ASTN2: variants seen among roughly 807,000 people sequenced by gnomAD.
ASTN2 encodes the protein astrotactin-2.
ASTN2 carries 54 observed loss-of-function variants against 139.8 expected under a neutral mutation model. The observed-to-expected ratio is 0.39, with a 90% CI of 0.31 to 0.48. The LOEUF is 0.48. Among genes scored for constraint, ASTN2 ranks in the 20% least tolerant of loss-of-function variants. ASTN2 has a pLI of 0.95. For synonymous variants in ASTN2, 756 were observed against 719.5 expected (o/e 1.05, Z -0.81); for missense variants, 1,565 against 1,725.1 (o/e 0.91, Z 1.64).
chr9:116,654,599 A>C (rs1411461061), intron 16 of ASTN2, among the ~76,000 whole-genome samples: 1 of 152,216 alleles, frequency 6.6e-6, no homozygotes, highest in Non-Finnish European at 1.5e-5. Flanking sequence ...GATCTAGTAC[A>C]AATCTTCACA....
At chr9:116,496,697 T>C (rs1377669307) in intron 19 of ASTN2, among the ~76,000 whole-genome samples, 1 of 152,142 alleles carries the variant, frequency 6.6e-6, no homozygotes, top group African/African-American at 2.4e-5. Context: ...GACTGGGTAA[T>C]TTATAAGAAA....
intron 13 of ASTN2, among the ~76,000 whole-genome samples, chr9:116,762,212 G>A (rs1276777754): frequency 6.6e-6 from 1 of 152,158 alleles, no homozygotes; most frequent in Non-Finnish European, 1.5e-5. Context: ...CATTCTTATA[G>A]CTGATATTCA....
chr9:116,646,050 A>G (rs1329784395), intron 17 of ASTN2, among the ~76,000 whole-genome samples: 2 of 152,154 alleles, frequency 1.3e-5, no homozygotes, highest in African/African-American at 4.8e-5. Flanking sequence ...TGAAGTAGGG[A>G]TTGTGAGACC....
intron 7 of ASTN2, among the ~76,000 whole-genome samples, chr9:116,978,495 G>GCACGCA (rs1836419196): frequency 7.8e-6 from 1 of 127,644 alleles, no homozygotes; most frequent in African/African-American, 2.8e-5. Flanking sequence ...TCTCTCTCAC[G>GCACGCA]CACACACACA....
In ASTN2 at chr9:116,913,356, C is replaced by G. The variant is rs1834365492; in HGVS notation, c.1890-49623G>C. Among the ~76,000 whole-genome samples, 2 of 152,252 alleles carry G rather than the reference C, an allele frequency of 1.3e-5. 1 individual carries two copies. Among genetic ancestry groups the G allele is most frequent in the South Asian group, 4.1e-4 (2 of 4,830 alleles). ...TGCTTTTTCTAATCTCTCTCAGCCT[C>G]AACCCCCACTTAGTGCATTTGATGT... On this transcript the variant is annotated intron_variant, in intron 10 of 22. Transcript: ENST00000313400.
rs1830970734 is a variant in ASTN2, at chr9:116,804,168, T to C, written c.2396+1464A>G. The stretch of plus-strand genomic sequence containing the variant: ...TACAAGGATGAACGGTTTTAGTGAA[T>C]TCACATCTCCATTCTCATTCTGTAA... On this transcript the variant is annotated intron_variant, in intron 13 of 22. Coordinates refer to ENST00000313400, the MANE Select transcript of ASTN2 (RefSeq NM_001365068.1). 2.0e-5 allele frequency among the ~76,000 whole-genome samples: 3 copies of C among 152,128 alleles called. No homozygotes were observed. The South Asian group carries it at 6.2e-4, about 32-fold the overall frequency.
At chr9:116,479,044 T>A (rs1259505155) in intron 20 of ASTN2, among the ~76,000 whole-genome samples, 1 of 142,802 alleles carries the variant, frequency 7.0e-6, no homozygotes, top group Non-Finnish European at 1.5e-5. Context: ...TCTGAATTCA[T>A]GAAAAGTTCA....
rs10681699 is a variant in ASTN2, at chr9:116,805,109, A to AGTGTGTGTGTGTGT, written c.2396+509_2396+522dup. 7.6e-3 allele frequency among the ~76,000 whole-genome samples: 1,093 copies of AGTGTGTGTGTGTGT among 143,106 alleles called. 16 individuals carry two copies. The highest frequency in any genetic ancestry group is 0.024 in the African/African-American group (918 of 38,384). 93.9% of individuals were successfully genotyped at this position (143,106 alleles called of 152,430 possible). A position where few individuals can be genotyped will look rare whatever the true frequency, so the allele number is the denominator to read the frequency against. ...TAAACAGCTTTACTGGGATTTGGGG[A>AGTGTGTGTGTGTGT]GTGTGTGTGTGTGTGTGTGTGTGTG... On this transcript the variant is annotated intron_variant, in intron 13 of 22. Transcript: ENST00000313400.
At chr9:117,301,178 T>C (rs1027281791) in intron 1 of ASTN2, among the ~76,000 whole-genome samples, 30 of 152,162 alleles carry the variant, frequency 2.0e-4, no homozygotes, top group African/African-American at 6.3e-4. Flanking sequence ...CTCTCCTTGC[T>C]GTATTTCTTT....
intron 3 of ASTN2, 45 bp downstream of exon 3, chr9:117,214,313 T>C (rs776658864): frequency 7.8e-6 from 12 of 1,533,116 alleles, no homozygotes; most frequent in Non-Finnish European, 1.1e-5. Flanking sequence ...TTCCCATCTT[T>C]TCAAAATGCC....
chr9:116,767,946 T>C (rs1331081594), intron 13 of ASTN2, among the ~76,000 whole-genome samples: 2 of 152,216 alleles, frequency 1.3e-5, no homozygotes, highest in Non-Finnish European at 2.9e-5. Context: ...TTCATAGATC[T>C]AGTTATCTTT....
chr9:117,214,247 T>G, intron 3 of ASTN2, 111 bp downstream of exon 3: 1 of 1,315,438 alleles, frequency 7.6e-7, no homozygotes, highest in African/African-American at 1.5e-5. Context: ...AAATCCAAAG[T>G]GGCTTATCCC....
Position 117,141,328 on chromosome 9 carries a change from C to A in ASTN2, c.1166G>T (p.Arg389Leu). Reference protein sequence around the residue: ...AGKRKRRSKSRGGISFGRAKG... With the variant: ...AGKRKRRSKSLGGISFGRAKG... ...CCAGATGTGCCAGGAGGGCCTACCT[C>A]GAGACTTGCTCCTCCGCTTCCTCTT... The change falls in exon 4 of 23, where the codon CGA becomes CTA. Residue 389 changes from arginine to leucine, a missense_variant and splice_region_variant. By Grantham distance (102) the Arg-to-Leu change is moderately radical. Around this residue, in one of 4 missense-constraint regions of ASTN2, gnomAD observed 596 missense variants for 576.8 expected, o/e 1.03. Coordinates refer to ENST00000313400, the MANE Select transcript of ASTN2 (RefSeq NM_001365068.1). The A allele has an allele frequency of 2.2e-6, 3 of 1,367,098 alleles. No homozygotes were observed. The highest frequency in any genetic ancestry group is 2.9e-6 in the Non-Finnish European group (3 of 1,021,608). The allele number at this position is 1,367,098 out of a possible 1,614,324, so 84.7% of individuals were successfully genotyped here.
chr9:116,519,729 A>C (rs1244831382), intron 19 of ASTN2, among the ~76,000 whole-genome samples: 1 of 152,134 alleles, frequency 6.6e-6, no homozygotes, highest in Non-Finnish European at 1.5e-5. Context: ...TGGTTCTTTG[A>C]AAAGATCAAT....
chr9:116,733,645 T>TG, intron 13 of ASTN2, 122 bp from the exon 14 acceptor site: 1 of 1,286,004 alleles, frequency 7.8e-7, no homozygotes, highest in East Asian at 2.4e-5. Flanking sequence ...TTTGCTGTAA[T>TG]GCCTCTGGTT....
intron 12 of ASTN2, among the ~76,000 whole-genome samples, chr9:116,817,386 A>T (rs1831361778): frequency 6.6e-6 from 1 of 152,200 alleles, no homozygotes; most frequent in South Asian, 2.1e-4. Context: ...TAGGGCTCAG[A>T]GAAGGCTTGC....
At chr9:117,066,220 C>T (rs1189535212) in intron 5 of ASTN2, among the ~76,000 whole-genome samples, 2 of 132,600 alleles carry the variant, frequency 1.5e-5, no homozygotes, top group Admixed American at 8.0e-5. Context: ...TTCCTGTGTC[C>T]ATGTGATCTC....
chr9:116,656,621 T>A (rs1422122996), intron 16 of ASTN2, among the ~76,000 whole-genome samples: 1 of 148,926 alleles, frequency 6.7e-6, no homozygotes, highest in African/African-American at 2.5e-5. Context: ...TTTGAGAACC[T>A]GCCAACTGAA....
intron 12 of ASTN2, among the ~76,000 whole-genome samples, chr9:116,815,370 A>G (rs1831281922): frequency 6.6e-6 from 1 of 152,132 alleles, no homozygotes; most frequent in Non-Finnish European, 1.5e-5. Context: ...TTTTTAGGGC[A>G]CTTTCATTTA....
Sources: gnomAD v4.1 joint callset for allele counts (sites outside exome capture counted in the v4.1 genomes callset) on GRCh38, gnomAD v4.1.1 for gene constraint, gnomAD v4.1.1 regional missense constraint, MANE v1.5 for transcripts, NCBI Gene and HGNC (gene_info 2026-07-23, HGNC 2026-07-21) for gene names.